THRB: variants seen among roughly 807,000 people sequenced by gnomAD.
The protein encoded by THRB is thyroid hormone receptor beta, also known as nuclear receptor subfamily 1 group A member 2.
Under a neutral mutation model 47.8 loss-of-function variants are expected in THRB, and 12 were observed. That is an observed-to-expected ratio of 0.25 (90% CI 0.16 to 0.41). The LOEUF is 0.41. Ranked by LOEUF, THRB falls within the 10% of genes least tolerant of loss-of-function variation. THRB has a pLI of 1.00. For missense variants in THRB, 348 were observed against 589.2 expected (o/e 0.59, Z 4.24); for synonymous variants, 218 against 212.2 (o/e 1.03, Z -0.24).
chr3:24,384,475 G>T (rs575660930), intron 1 of THRB, among the ~76,000 whole-genome samples: 181 of 152,226 alleles, frequency 1.2e-3, no homozygotes, highest in African/African-American at 4.2e-3. Context: ...CAGAACACTT[G>T]GGGGTGGAGC....
chr3:24,403,526 C>T (rs1022345094), intron 1 of THRB, among the ~76,000 whole-genome samples: 7 of 91,084 alleles, frequency 7.7e-5, no homozygotes, highest in Non-Finnish European at 1.6e-4. Flanking sequence ...ATTACTTTTT[C>T]ACTGTGTTGA....
At chr3:24,337,100 G>C (rs371631654) in intron 2 of THRB, among the ~76,000 whole-genome samples, 200 bp downstream of exon 2, 1 of 152,152 alleles carries the variant, frequency 6.6e-6, no homozygotes, top group Non-Finnish European at 1.5e-5. Context: ...TTTCTCGAGT[G>C]AATCAGTATC....
In THRB at chr3:24,179,838, A is replaced by T. The variant is rs980983232; in HGVS notation, c.283+10236T>A. On this transcript the variant is annotated intron_variant, in intron 5 of 10. Coordinates refer to ENST00000646209, the MANE Select transcript of THRB (RefSeq NM_001354712.2). ...TCCTGATATCAAAAAGTCTTAAAAAAATCATAGAACGGGCATTCATTTCTT... is the reference window on the plus strand; with the variant it reads ...TCCTGATATCAAAAAGTCTTAAAAATATCATAGAACGGGCATTCATTTCTT... Among the ~76,000 whole-genome samples the T allele has an allele frequency of 3.3e-5, 5 of 152,364 alleles. No individual in the cohort carries two copies. The East Asian group carries it at 9.6e-4, about 29-fold the overall frequency.
rs948560092 is a variant in THRB, at chr3:24,380,174, G to T, written c.-260-42803C>A. On this transcript the variant is annotated intron_variant, in intron 1 of 10. Transcript: ENST00000646209. Reference sequence around the variant, plus strand: ...ACTAGATGTATGTTTACCTACTTATGCAACCCCATCATCCTCTTTCTCCCT... The same window carrying T: ...ACTAGATGTATGTTTACCTACTTATTCAACCCCATCATCCTCTTTCTCCCT... Among the ~76,000 whole-genome samples the T allele has an allele frequency of 1.3e-4, 19 of 148,186 alleles. No homozygotes were observed. The South Asian group carries it at 1.6e-3, about 12-fold the overall frequency.
In THRB at chr3:24,117,592, A is replaced by C. The variant is rs928706419; in HGVS notation, c.*5292T>G. ...TCCTTTCACTATATTTGGAGCTGTA[A>C]AGCTCATCCTGGAGCTATTGGAGGC... On this transcript the variant is annotated 3_prime_UTR_variant, in exon 11 of 11. Coordinates refer to ENST00000646209, the MANE Select transcript of THRB (RefSeq NM_001354712.2). The C allele has an allele frequency of 2.6e-5, 4 of 152,226 alleles. No individual in the cohort carries two copies. Among genetic ancestry groups the C allele is most frequent in the Non-Finnish European group, 4.4e-5 (3 of 68,040 alleles). The allele number at this position is 152,226 out of a possible 1,614,324, so 9.4% of individuals were successfully genotyped here. A position where few individuals can be genotyped will look rare whatever the true frequency, so the allele number is the denominator to read the frequency against.
chr3:24,206,428 T>A (rs537790373), intron 4 of THRB, among the ~76,000 whole-genome samples: 3 of 152,026 alleles, frequency 2.0e-5, no homozygotes, highest in Admixed American at 6.5e-5. Flanking sequence ...ATGAAGGCAG[T>A]AATAAAGATG....
At chr3:24,187,636 C>A (rs2042770545) in intron 5 of THRB, among the ~76,000 whole-genome samples, 1 of 152,126 alleles carries the variant, frequency 6.6e-6, no homozygotes, top group Non-Finnish European at 1.5e-5. Context: ...AGATTACTAG[C>A]CCAAGACTGA....
At chr3:24,202,843 A>G (rs925115662) in intron 4 of THRB, among the ~76,000 whole-genome samples, 1 of 152,362 alleles carries the variant, frequency 6.6e-6, no homozygotes, top group African/African-American at 2.4e-5. Context: ...AGCTACTTTC[A>G]TAACACCTTT....
At chr3:24,363,302 G>A (rs1339729046) in intron 1 of THRB, among the ~76,000 whole-genome samples, 1 of 152,090 alleles carries the variant, frequency 6.6e-6, no homozygotes, top group East Asian at 1.9e-4. Flanking sequence ...CATGTCCCCA[G>A]GACTCTTAAA....
chr3:24,255,464 A>G (rs1250844192), intron 3 of THRB, among the ~76,000 whole-genome samples: 1 of 152,222 alleles, frequency 6.6e-6, no homozygotes, highest in Non-Finnish European at 1.5e-5. Flanking sequence ...TAATTATGCA[A>G]GCCAATGTAA....
intron 4 of THRB, among the ~76,000 whole-genome samples, chr3:24,204,710 A>G (rs2045065603): frequency 1.3e-5 from 2 of 152,230 alleles, no homozygotes; most frequent in African/African-American, 4.8e-5. Context: ...TCTCTGAGCT[A>G]AAGGAGGAAA....
At chr3:24,453,008 C>G (rs1479929806) in intron 1 of THRB, among the ~76,000 whole-genome samples, 2 of 152,154 alleles carry the variant, frequency 1.3e-5, no homozygotes, top group African/African-American at 4.8e-5. Context: ...AAACAAACAA[C>G]TCCAAAATAA....
At chr3:24,136,926 C>T (rs1046768165) in intron 8 of THRB, among the ~76,000 whole-genome samples, 4 of 152,214 alleles carry the variant, frequency 2.6e-5, no homozygotes, top group Non-Finnish European at 5.9e-5. Context: ...CTCCAAAGCC[C>T]CCACTTCTGT....
In THRB at chr3:24,476,919, T is replaced by C. The variant is rs9876997; in HGVS notation, c.-261+17733A>G. 3.2e-3 allele frequency among the ~76,000 whole-genome samples: 490 copies of C among 152,228 alleles called. 2 individuals are homozygous for C. Among genetic ancestry groups the C allele is most frequent in the African/African-American group, 0.011 (459 of 41,540 alleles). Reference sequence around the variant, plus strand: ...GAAAATGATCTCATTATCTCAATCATGTGGACAAACATCATCAAATGCTTG... The same window carrying C: ...GAAAATGATCTCATTATCTCAATCACGTGGACAAACATCATCAAATGCTTG... On this transcript the variant is annotated intron_variant, in intron 1 of 10. Coordinates refer to ENST00000646209, the MANE Select transcript of THRB (RefSeq NM_001354712.2).
intron 1 of THRB, among the ~76,000 whole-genome samples, chr3:24,417,843 A>C (rs1281311377): frequency 6.6e-6 from 1 of 151,910 alleles, no homozygotes; most frequent in Admixed American, 6.6e-5. Context: ...ATCCTTATCC[A>C]GATTCACAAA....
intron 1 of THRB, among the ~76,000 whole-genome samples, chr3:24,472,903 A>C (rs1161772600): frequency 6.6e-6 from 1 of 152,072 alleles, no homozygotes; most frequent in Non-Finnish European, 1.5e-5. Context: ...TAAATTATAA[A>C]TTTTTATAAA....
At chr3:24,134,216 G>A (rs948173189) in intron 8 of THRB, among the ~76,000 whole-genome samples, 4 of 152,144 alleles carry the variant, frequency 2.6e-5, no homozygotes, top group Admixed American at 2.6e-4. Context: ...AGACCAGGTG[G>A]TACAGAATCA....
At chr3:24,311,130 T>C (rs1425235186) in intron 2 of THRB, among the ~76,000 whole-genome samples, 9 of 152,056 alleles carry the variant, frequency 5.9e-5, no homozygotes, top group Admixed American at 4.6e-4. Context: ...TGAGGATCTG[T>C]GTATGGCTGA....
At chr3:24,156,062 A>G (rs986961433) in intron 5 of THRB, among the ~76,000 whole-genome samples, 37 of 152,252 alleles carry the variant, frequency 2.4e-4, no homozygotes, top group African/African-American at 8.7e-4. Flanking sequence ...CTGTTCAACA[A>G]AGGACTTGAG....
Sources: gnomAD v4.1 joint callset for allele counts (sites outside exome capture counted in the v4.1 genomes callset) on GRCh38, gnomAD v4.1.1 for gene constraint, MANE v1.5 for transcripts, NCBI Gene and HGNC (gene_info 2026-07-23, HGNC 2026-07-21) for gene names.